The following SLC14A2 variants were observed in gnomAD, a reference collection of about 807,000 sequenced individuals.
SLC14A2 encodes urea transporter 2.
A neutral mutation model predicts 104.6 loss-of-function variants in SLC14A2; 91 were observed. The ratio of observed to expected loss-of-function variants is 0.87; its 90% CI spans 0.73 to 1.04. The LOEUF is 1.04. Ranked by LOEUF, SLC14A2 falls within the 50% of genes least tolerant of loss-of-function variation. SLC14A2 has a pLI of 0.00. For synonymous variants in SLC14A2, 476 were observed against 466.4 expected (o/e 1.02, Z -0.27); for missense variants, 1,189 against 1,156.0 (o/e 1.03, Z -0.41).
intron 14 of SLC14A2, 47 bp from the exon 15 acceptor site, chr18:45,668,302 G>A: frequency 6.2e-7 from 1 of 1,604,988 alleles, no homozygotes; most frequent in Non-Finnish European, 8.5e-7. Flanking sequence ...AAATGTAAAG[G>A]GCCCTGGGGA....
intron 1 of SLC14A2, among the ~76,000 whole-genome samples, chr18:45,474,011 G>A (rs2087304095): frequency 6.6e-6 from 1 of 152,186 alleles, no homozygotes; most frequent in South Asian, 2.1e-4. Flanking sequence ...ATTGGCTGTG[G>A]GTTTTTCATA....
At chr18:45,650,481 CTCTG>C (rs1421410595) in intron 10 of SLC14A2, among the ~76,000 whole-genome samples, 3 of 152,194 alleles carry the variant, frequency 2.0e-5, no homozygotes, top group African/African-American at 7.2e-5. Flanking sequence ...AGCTGAGAAA[CTCTG>C]TCTGCCTCAT....
intron 2 of SLC14A2, among the ~76,000 whole-genome samples, chr18:45,570,428 T>G (rs546335319): frequency 6.6e-6 from 1 of 152,190 alleles, no homozygotes; most frequent in East Asian, 1.9e-4. Flanking sequence ...CACACCTATA[T>G]GTACCCAAAT....
At chr18:45,314,804 C>T (rs1221448728) in intron 1 of SLC14A2, among the ~76,000 whole-genome samples, 2 of 152,166 alleles carry the variant, frequency 1.3e-5, no homozygotes, top group Non-Finnish European at 2.9e-5. Flanking sequence ...ATAAAGCAAC[C>T]ACAAGCTAAG....
At chr18:45,290,363 A>G (rs1161221250) in intron 1 of SLC14A2, among the ~76,000 whole-genome samples, 1 of 152,214 alleles carries the variant, frequency 6.6e-6, no homozygotes, top group East Asian at 1.9e-4. Context: ...AAAGCAAGAC[A>G]AACTAGATTT....
chr18:45,519,305 A>G (rs975444930), intron 2 of SLC14A2, among the ~76,000 whole-genome samples: 5 of 152,170 alleles, frequency 3.3e-5, no homozygotes, highest in East Asian at 1.9e-4. Flanking sequence ...GAAGGAAAAA[A>G]ATATCCCTGG....
chr18:45,519,691 A>C (rs1332603707), intron 2 of SLC14A2, among the ~76,000 whole-genome samples: 1 of 152,210 alleles, frequency 6.6e-6, no homozygotes, highest in Non-Finnish European at 1.5e-5. Context: ...GCAATCAAAA[A>C]GGGGCTAAGC....
At chr18:45,474,194 A>T (rs2087309031) in intron 1 of SLC14A2, among the ~76,000 whole-genome samples, 1 of 152,108 alleles carries the variant, frequency 6.6e-6, no homozygotes, top group Non-Finnish European at 1.5e-5. Flanking sequence ...TGATTTGTGT[A>T]TATTGAACCC....
chr18:45,627,102 G>C lies in SLC14A2; in HGVS notation c.476G>C (p.Gly159Ala). 6.2e-7 allele frequency: 1 copy of C among 1,614,120 alleles called. No individual in the cohort carries two copies. Among genetic ancestry groups the C allele is most frequent in the South Asian group, 1.1e-5 (1 of 91,070 alleles). ...TGGTGGACAATCACTGGGGGCCTGG[G>C]GACAGTGGTCTCGACCTTAACAGCT... ...NPWWTITGGLGTVVSTLTALA... is the reference protein window; with the variant it reads ...NPWWTITGGLATVVSTLTALA... Residue 159 changes from glycine to alanine, a missense_variant, in exon 4 of 20, where the codon GGG becomes GCG. By Grantham distance (60) the Gly-to-Ala change is moderately conservative. Coordinates refer to ENST00000255226, the MANE Select transcript of SLC14A2 (RefSeq NM_007163.4).
chr18:45,628,667 TGTC>T (rs2045299911), intron 4 of SLC14A2, among the ~76,000 whole-genome samples: 2 of 152,130 alleles, frequency 1.3e-5, no homozygotes, highest in Non-Finnish European at 1.5e-5. Context: ...ATGAATTAAT[TGTC>T]AGCAGCATTT....
At chr18:45,400,437 T>A (rs78126038) in intron 1 of SLC14A2, among the ~76,000 whole-genome samples, 5,191 of 152,296 alleles carry the variant, frequency 0.034, 299 homozygotes, top group African/African-American at 0.12. Context: ...GTTCTTCTCA[T>A]TGGTATTCTC....
chr18:45,365,064 G>A (rs1439499852), intron 1 of SLC14A2, among the ~76,000 whole-genome samples: 2 of 152,118 alleles, frequency 1.3e-5, no homozygotes, highest in African/African-American at 4.8e-5. Flanking sequence ...AAGAGAATAG[G>A]GGAATAGGGG....
At chr18:45,496,853 A>G (rs1209337013) in intron 2 of SLC14A2, among the ~76,000 whole-genome samples, 1 of 151,906 alleles carries the variant, frequency 6.6e-6, no homozygotes, top group Non-Finnish European at 1.5e-5. Context: ...CATGCTGGAG[A>G]CTTCTTCCTG....
chr18:45,532,217 GT>G (rs1210247002), intron 2 of SLC14A2, among the ~76,000 whole-genome samples: 6 of 152,118 alleles, frequency 3.9e-5, no homozygotes, highest in African/African-American at 1.4e-4. Flanking sequence ...CTTTAAAGTA[GT>G]TTTTTCCAAT....
chr18:45,548,564 C>T (rs374225421), intron 2 of SLC14A2, among the ~76,000 whole-genome samples: 20 of 152,212 alleles, frequency 1.3e-4, no homozygotes, highest in South Asian at 4.2e-4. Flanking sequence ...ATTAGCCATG[C>T]GTGGTGACAT....
At chr18:45,375,134 G>A (rs1598733376) in intron 1 of SLC14A2, among the ~76,000 whole-genome samples, 3 of 152,304 alleles carry the variant, frequency 2.0e-5, no homozygotes, top group South Asian at 2.1e-4. Flanking sequence ...AACTTTGGGA[G>A]GAACTTAGTT....
chr18:45,514,558 A>G (rs1277275362), intron 2 of SLC14A2, among the ~76,000 whole-genome samples: 1 of 152,230 alleles, frequency 6.6e-6, no homozygotes, highest in Non-Finnish European at 1.5e-5. Context: ...TTGATGTATT[A>G]GAAAACTCTG....
At chr18:45,284,495 T>A (rs1194901429) in intron 1 of SLC14A2, among the ~76,000 whole-genome samples, 1 of 152,118 alleles carries the variant, frequency 6.6e-6, no homozygotes, top group African/African-American at 2.4e-5. Flanking sequence ...TGCCCTGGGC[T>A]CCAACTCCCA....
In SLC14A2 at chr18:45,391,517, G is replaced by A. The variant is rs551555382; in HGVS notation, c.-124-91716G>A. 3.9e-3 allele frequency among the ~76,000 whole-genome samples: 600 copies of A among 152,264 alleles called. 3 individuals are homozygous for A. The highest frequency in any genetic ancestry group is 6.8e-3 in the Non-Finnish European group (462 of 68,034). ...AATCGCCCCACTGACTTCCACAATG[G>A]TTGAACTAGTTTACAGTCCCACCAA... On this transcript the variant is annotated intron_variant, in intron 1 of 20. Transcript: ENST00000586448.
Sources: gnomAD v4.1 joint callset for allele counts (sites outside exome capture counted in the v4.1 genomes callset) on GRCh38, gnomAD v4.1.1 for gene constraint, MANE v1.5 for transcripts, NCBI Gene and HGNC (gene_info 2026-07-23, HGNC 2026-07-21) for gene names.